The following PRKAG2 variants were observed in gnomAD, a reference collection of about 807,000 sequenced individuals.
PRKAG2 encodes the protein 5'-AMP-activated protein kinase subunit gamma-2.
PRKAG2 carries 26 observed loss-of-function variants against 69.6 expected under a neutral mutation model. The ratio of observed to expected loss-of-function variants is 0.37; its 90% confidence interval spans 0.27 to 0.52. The LOEUF is 0.52. PRKAG2 is among the 20% of genes least tolerant of loss of function. The pLI, the probability that PRKAG2 is intolerant of heterozygous loss-of-function variation, is 0.90. For missense variants in PRKAG2, 557 were observed against 740.0 expected, an observed-to-expected ratio of 0.75 and a Z score of 2.87; for synonymous variants, 293 against 285.0, an observed-to-expected ratio of 1.03 and a Z score of -0.28.
chr7:151,697,175 C>G (rs116207441), intron 3 of PRKAG2, among the ~76,000 whole-genome samples: 3,464 of 152,204 alleles, frequency 0.023, 149 homozygotes, highest in African/African-American at 0.078. Context: ...AGAGGAAGAG[C>G]AGCTGCTGGG....
chr7:151,681,029 A>G (rs1392634763), intron 3 of PRKAG2, among the ~76,000 whole-genome samples: 1 of 152,160 alleles, frequency 6.6e-6, no homozygotes, highest in Admixed American at 6.6e-5. Context: ...AGAGAATGCA[A>G]CTGTGACCAA....
At position 151,771,710 on chromosome 7, in the gene PRKAG2, C is replaced by A. The variant is rs1238759332; in HGVS notation, c.466+9442G>T. Among the ~76,000 whole-genome samples, 3 of 152,162 alleles carry A rather than the reference C, an allele frequency of 2.0e-5. No homozygotes were observed. On this transcript the variant is annotated intron_variant, in intron 3 of 15. Coordinates refer to ENST00000287878, the MANE Select transcript of PRKAG2 (RefSeq NM_016203.4). The surrounding 1 kb of genome is among the most constrained non-coding windows in gnomAD (Gnocchi z 4.0). ...TTCATCATCTCCTTCTGGTCTAGCACGTGTTTTTCACGTTTATATTGTTGT... is the reference window on the plus strand; with the variant it reads ...TTCATCATCTCCTTCTGGTCTAGCAAGTGTTTTTCACGTTTATATTGTTGT...
At chr7:151,585,530 C>T (rs908926532) in intron 6 of PRKAG2, among the ~76,000 whole-genome samples, 13 of 152,270 alleles carry the variant, frequency 8.5e-5, no homozygotes, top group African/African-American at 2.9e-4. Flanking sequence ...TGCCATTCTC[C>T]CTCCCTGTTC....
intron 1 of PRKAG2, among the ~76,000 whole-genome samples, chr7:151,872,286 G>GT (rs2080235598): frequency 6.9e-6 from 1 of 143,976 alleles, no homozygotes; most frequent in South Asian, 2.6e-4. Flanking sequence ...CCCTTACCCT[G>GT]GGGGGGGGCT....
chr7:151,853,621 G>A (rs549548776), intron 1 of PRKAG2, among the ~76,000 whole-genome samples: 7 of 152,100 alleles, frequency 4.6e-5, no homozygotes, highest in East Asian at 1.9e-4. Flanking sequence ...TTAGCCAGGC[G>A]TGGTGGCGGG....
At chr7:151,639,727 G>A (rs1826344405) in intron 4 of PRKAG2, among the ~76,000 whole-genome samples, 1 of 152,156 alleles carries the variant, frequency 6.6e-6, no homozygotes, top group Non-Finnish European at 1.5e-5. Flanking sequence ...TTACGCCACT[G>A]GCTTCTCTAG....
intron 14 of PRKAG2, among the ~76,000 whole-genome samples, chr7:151,561,565 G>A (rs919635456): frequency 3.3e-5 from 5 of 152,230 alleles, no homozygotes; most frequent in African/African-American, 9.6e-5. Context: ...GATGAGTGAC[G>A]GCAGAGCGTT....
intron 1 of PRKAG2, among the ~76,000 whole-genome samples, chr7:151,854,152 C>T (rs1200840597): frequency 6.6e-6 from 1 of 152,236 alleles, no homozygotes; most frequent in Admixed American, 6.5e-5. Flanking sequence ...AAGCCTCCAC[C>T]CCGACTGCTG....
chr7:151,729,045 C>T (rs1167472214), intron 3 of PRKAG2, among the ~76,000 whole-genome samples: 1 of 151,880 alleles, frequency 6.6e-6, no homozygotes, highest in Non-Finnish European at 1.5e-5. Context: ...GGGAGCAGCA[C>T]CTCTGGGAGA....
intron 3 of PRKAG2, among the ~76,000 whole-genome samples, chr7:151,767,219 A>G (rs552241868): frequency 4.6e-5 from 7 of 152,340 alleles, no homozygotes; most frequent in Non-Finnish European, 7.3e-5. Flanking sequence ...ACCCCCTCAC[A>G]GCCTCAGAAG....
chr7:151,759,332 C>A (rs1337959525), intron 3 of PRKAG2, among the ~76,000 whole-genome samples: 4 of 152,164 alleles, frequency 2.6e-5, no homozygotes, highest in Admixed American at 1.3e-4. Flanking sequence ...GAGCAGCACC[C>A]CCGCAGCCCC....
chr7:151,798,772 T>C (rs2077683758), intron 1 of PRKAG2, among the ~76,000 whole-genome samples: 1 of 152,190 alleles, frequency 6.6e-6, no homozygotes, highest in Admixed American at 6.5e-5. Flanking sequence ...AGGGGTACCA[T>C]CTGTCCTCCT....
chr7:151,822,925 C>T (rs943014674), intron 1 of PRKAG2, among the ~76,000 whole-genome samples: 3 of 151,690 alleles, frequency 2.0e-5, no homozygotes, highest in Non-Finnish European at 4.4e-5. Context: ...CAACCTCCAG[C>T]GACTAATCAG....
At chr7:151,557,519 T>A in intron 15 of PRKAG2, 1 of 984,886 alleles carries the variant, frequency 1.0e-6, no homozygotes. Flanking sequence ...AATATGTAGG[T>A]ATGTTTTAGT....
At chr7:151,600,419 C>T (rs1195995732) in intron 5 of PRKAG2, among the ~76,000 whole-genome samples, 1 of 152,224 alleles carries the variant, frequency 6.6e-6, no homozygotes, top group Non-Finnish European at 1.5e-5. Flanking sequence ...ATATTTCCTA[C>T]TGTGGACATC....
intron 4 of PRKAG2, among the ~76,000 whole-genome samples, chr7:151,669,940 T>TGCATGCACATACC (rs1175905752): frequency 0.011 from 144 of 13,032 alleles, no homozygotes; most frequent in Non-Finnish European, 0.014. Context: ...GTGCACACAC[T>TGCATGCACATACC]TGCATGTACA....
chr7:151,558,672 G>A, intron 15 of PRKAG2: 1 of 983,464 alleles, frequency 1.0e-6, no homozygotes, highest in Non-Finnish European at 1.2e-6. Flanking sequence ...AACAAATCGT[G>A]TTGTATACAC....
At chr7:151,721,715 T>G (rs1328234299) in intron 3 of PRKAG2, among the ~76,000 whole-genome samples, 3 of 152,172 alleles carry the variant, frequency 2.0e-5, no homozygotes, top group Non-Finnish European at 4.4e-5. Flanking sequence ...AGAAGACAGA[T>G]GTTTTGGCCT....
At chr7:151,663,989 C>T (rs994045081) in intron 4 of PRKAG2, among the ~76,000 whole-genome samples, 7 of 152,174 alleles carry the variant, frequency 4.6e-5, no homozygotes, top group Non-Finnish European at 8.8e-5. Context: ...AGCATGAAAA[C>T]GGCAAGGACA....
Sources: allele counts gnomAD v4.1 joint callset (sites outside exome capture counted in the v4.1 genomes callset), GRCh38; gene constraint gnomAD v4.1.1; non-coding constraint Gnocchi (gnomAD v3.1); transcripts MANE v1.5; gene names NCBI Gene and HGNC (gene_info 2026-07-23, HGNC 2026-07-21).